SOX5: variants seen among roughly 807,000 people sequenced by gnomAD.
The protein encoded by SOX5 is SRY-box transcription factor 5.
In SOX5, 9 loss-of-function variants were observed where a neutral mutation model predicts 92.0. The ratio of observed to expected loss-of-function variants is 0.10; its 90% CI spans 0.06 to 0.17. SOX5 has a LOEUF of 0.17. Ranked by LOEUF, SOX5 falls within the 10% of genes least tolerant of loss-of-function variation. The pLI is 1.00. For synonymous variants in SOX5, 344 were observed against 336.3 expected (o/e 1.02, Z -0.25); for missense variants, 642 against 944.5 (o/e 0.68, Z 4.20).
intron 3 of SOX5, among the ~76,000 whole-genome samples, chr12:24,219,736 A>G (rs1959940380): frequency 6.6e-6 from 1 of 152,134 alleles, no homozygotes; most frequent in Non-Finnish European, 1.5e-5. Context: ...ATAAGGCTCC[A>G]ATCCCTCATG....
At chr12:23,867,466 A>C (rs547818863) in intron 2 of SOX5, among the ~76,000 whole-genome samples, 3 of 152,266 alleles carry the variant, frequency 2.0e-5, no homozygotes, top group East Asian at 1.9e-4. Context: ...GATACGGACT[A>C]ACAGACCTCT....
At chr12:23,986,717 T>C (rs1224694388) in intron 4 of SOX5, among the ~76,000 whole-genome samples, 2 of 152,140 alleles carry the variant, frequency 1.3e-5, no homozygotes, top group Non-Finnish European at 2.9e-5. Context: ...CAAGTAGGGG[T>C]TGTACCAGAT....
intron 3 of SOX5, among the ~76,000 whole-genome samples, chr12:24,216,296 A>T (rs1224811866): frequency 6.6e-6 from 1 of 151,612 alleles, no homozygotes; most frequent in East Asian, 2.0e-4. Flanking sequence ...ATCCTGGCTA[A>T]CACGGTGAAA....
At chr12:23,798,955 T>C (rs922160765) in intron 3 of SOX5, among the ~76,000 whole-genome samples, 2 of 151,928 alleles carry the variant, frequency 1.3e-5, no homozygotes, top group Non-Finnish European at 1.5e-5. Flanking sequence ...AATAGAAACA[T>C]CAACATTATT....
chr12:24,173,551 T>C (rs1185172511), intron 4 of SOX5, among the ~76,000 whole-genome samples: 1 of 152,200 alleles, frequency 6.6e-6, no homozygotes, highest in Non-Finnish European at 1.5e-5. Flanking sequence ...TCCAGCTTTC[T>C]ACCTGGTAAT....
At chr12:24,327,812 T>G (rs1271989208) in intron 2 of SOX5, among the ~76,000 whole-genome samples, 7 of 152,000 alleles carry the variant, frequency 4.6e-5, no homozygotes, top group Admixed American at 4.6e-4. Context: ...CAGGATGGTC[T>G]CCATCTCCTG....
intron 2 of SOX5, among the ~76,000 whole-genome samples, chr12:24,358,401 C>A (rs1257650503): frequency 6.6e-6 from 1 of 152,148 alleles, no homozygotes; most frequent in Non-Finnish European, 1.5e-5. Context: ...CAGGAAAATT[C>A]TCTGAAGTGT....
chr12:23,771,670 A>G (rs1278346788), intron 3 of SOX5, among the ~76,000 whole-genome samples: 1 of 152,178 alleles, frequency 6.6e-6, no homozygotes, highest in East Asian at 1.9e-4. Context: ...ATCCATTAAA[A>G]AGGTTAATAC....
chr12:23,537,007 ATATGT>A (rs529153974), intron 13 of SOX5, among the ~76,000 whole-genome samples: 48 of 152,222 alleles, frequency 3.2e-4, no homozygotes, highest in African/African-American at 1.1e-3. Flanking sequence ...AAGTTACATG[ATATGT>A]TATCATGCAT....
chr12:23,904,816 G>C (rs9667999), intron 1 of SOX5, among the ~76,000 whole-genome samples: 29,396 of 151,984 alleles, frequency 0.19, 4,023 homozygotes, highest in East Asian at 0.7. Context: ...TTTCTGATAA[G>C]AAGAGCAGCA....
At chr12:23,942,995 T>C (rs1255213996) in intron 1 of SOX5, among the ~76,000 whole-genome samples, 1 of 152,120 alleles carries the variant, frequency 6.6e-6, no homozygotes, top group Non-Finnish European at 1.5e-5. Context: ...CTTTTCTTTA[T>C]AGTGTTCCTC....
intron 4 of SOX5, among the ~76,000 whole-genome samples, chr12:23,966,579 T>A (rs905219878): frequency 1.3e-5 from 2 of 152,160 alleles, no homozygotes; most frequent in Non-Finnish European, 2.9e-5. Context: ...CAGGTATAGA[T>A]ATATATTGAT....
intron 3 of SOX5, among the ~76,000 whole-genome samples, chr12:23,817,235 G>A (rs1315950289): frequency 6.6e-6 from 1 of 152,128 alleles, no homozygotes; most frequent in Admixed American, 6.5e-5. Flanking sequence ...TAAGATTAAG[G>A]TTAGGTACCC....
chr12:24,185,289 T>C (rs1338191607), intron 4 of SOX5, among the ~76,000 whole-genome samples: 1 of 152,090 alleles, frequency 6.6e-6, no homozygotes, highest in African/African-American at 2.4e-5. Context: ...AGAATAGATA[T>C]CACTTAACAT....
chr12:24,409,660 G>A (rs1963697950), intron 1 of SOX5, among the ~76,000 whole-genome samples: 2 of 152,104 alleles, frequency 1.3e-5, no homozygotes, highest in Admixed American at 6.5e-5. Flanking sequence ...CACCAACAAT[G>A]TCTGAATGAG....
chr12:24,110,670 G>A (rs1041032845), intron 4 of SOX5, among the ~76,000 whole-genome samples: 2 of 151,966 alleles, frequency 1.3e-5, no homozygotes, highest in African/African-American at 4.8e-5. Flanking sequence ...CGGATCACGA[G>A]GTCAGGAGAT....
At chr12:23,585,608 G>A (rs183829423) in intron 9 of SOX5, among the ~76,000 whole-genome samples, 2 of 152,242 alleles carry the variant, frequency 1.3e-5, no homozygotes, top group African/African-American at 4.8e-5. Context: ...CAGGTTAAGA[G>A]CAGTACAGTA....
At chr12:24,247,482 A>G (rs1271320128) in intron 3 of SOX5, among the ~76,000 whole-genome samples, 1 of 151,916 alleles carries the variant, frequency 6.6e-6, no homozygotes, top group African/African-American at 2.4e-5. Flanking sequence ...ATAGGAGAGA[A>G]CTTGGGGCCT....
At chr12:23,687,590 A>T (rs1367552710) in intron 6 of SOX5, among the ~76,000 whole-genome samples, 1 of 152,056 alleles carries the variant, frequency 6.6e-6, no homozygotes, top group African/African-American at 2.4e-5. Context: ...TATTTTCAGA[A>T]TCTGGTTTTC....
Sources: gnomAD v4.1 joint callset for allele counts (sites outside exome capture counted in the v4.1 genomes callset) on GRCh38, gnomAD v4.1.1 for gene constraint, MANE v1.5 for transcripts, NCBI Gene and HGNC (gene_info 2026-07-23, HGNC 2026-07-21) for gene names.